Variants in STAC observed in about 807,000 individuals in gnomAD.
The protein encoded by STAC is SH3 and cysteine rich domain, also known as SH3 and cysteine-rich domain-containing protein.
STAC carries 43 observed loss-of-function variants against 48.8 expected under a neutral mutation model. The observed-to-expected ratio is 0.88, with a 90% CI of 0.69 to 1.14. The LOEUF (loss-of-function observed/expected upper bound fraction) is 1.14. Among genes scored for constraint, STAC ranks in the 50% most tolerant of loss-of-function variants. The pLI, the probability that STAC is intolerant of heterozygous loss-of-function variation, is 0.00. For missense variants in STAC, 497 were observed against 504.0 expected, an observed-to-expected ratio of 0.99 and a Z score of 0.13; for synonymous variants, 193 against 179.5, an observed-to-expected ratio of 1.07 and a Z score of -0.60.
chr3:36,505,867 A>C, intron 8 of STAC, 33 bp downstream of exon 8: 2 of 1,471,354 alleles, frequency 1.4e-6, no homozygotes, highest in Non-Finnish European at 1.9e-6. Context: ...AAAAAGAGTA[A>C]AATTTTAAAG....
chr3:36,540,284 T>C lies in STAC; in HGVS notation c.1111-5907T>C, dbSNP rs1699293127. 2.6e-5 allele frequency among the ~76,000 whole-genome samples: 4 copies of C among 152,290 alleles called. No individual in the cohort carries two copies. The South Asian group carries it at 6.2e-4, about 24-fold the overall frequency. On this transcript the variant is annotated intron_variant, in intron 10 of 10. Transcript: ENST00000273183. ...ACTTCTGAACCCTAGAACTGTAAGATAATAAATTTGTGTTGTTATAAGCCA... is the reference window on the plus strand; with the variant it reads ...ACTTCTGAACCCTAGAACTGTAAGACAATAAATTTGTGTTGTTATAAGCCA...
chr3:36,447,909 A>T (rs1393622379), intron 2 of STAC, among the ~76,000 whole-genome samples: 1 of 152,124 alleles, frequency 6.6e-6, no homozygotes, highest in African/African-American at 2.4e-5. Flanking sequence ...TAAAACTTTT[A>T]TTTTTAATGT....
intron 8 of STAC, among the ~76,000 whole-genome samples, chr3:36,513,663 A>G (rs1246403874): frequency 1.3e-5 from 2 of 152,146 alleles, no homozygotes; most frequent in Non-Finnish European, 2.9e-5. Context: ...CTGTTTTCTC[A>G]TCTTGAAAAC....
intron 10 of STAC, among the ~76,000 whole-genome samples, chr3:36,538,231 G>C (rs1699243536): frequency 6.6e-6 from 1 of 152,056 alleles, no homozygotes; most frequent in African/African-American, 2.4e-5. Context: ...TTAGAACATA[G>C]CTAAATTTAT....
chr3:36,382,202 A>G (rs1699525361), intron 1 of STAC, among the ~76,000 whole-genome samples: 1 of 152,228 alleles, frequency 6.6e-6, no homozygotes. Context: ...CCAGAGTGAT[A>G]TAGGTTAGTG....
chr3:36,498,217 G>A (rs1437733015), intron 6 of STAC, among the ~76,000 whole-genome samples: 1 of 152,148 alleles, frequency 6.6e-6, no homozygotes, highest in Non-Finnish European at 1.5e-5. Context: ...ACTATCAGAA[G>A]TAAACAGGCA....
At chr3:36,425,237 G>C (rs1042350144) in intron 1 of STAC, among the ~76,000 whole-genome samples, 2 of 152,190 alleles carry the variant, frequency 1.3e-5, no homozygotes, top group Non-Finnish European at 2.9e-5. Flanking sequence ...GGAAGACGTT[G>C]ACATCAGGTG....
chr3:36,458,661 T>A (rs896397479), intron 2 of STAC, among the ~76,000 whole-genome samples: 1 of 152,228 alleles, frequency 6.6e-6, no homozygotes, highest in African/African-American at 2.4e-5. Context: ...TGGCTAGATC[T>A]GGGAGGGCAA....
intron 1 of STAC, among the ~76,000 whole-genome samples, chr3:36,432,065 C>T (rs1219466487): frequency 1.3e-5 from 2 of 152,274 alleles, no homozygotes; most frequent in East Asian, 1.9e-4. Context: ...ATTGTTACAG[C>T]GGCATCCACA....
At chr3:36,446,030 C>G (rs1696500266) in intron 2 of STAC, among the ~76,000 whole-genome samples, 1 of 152,160 alleles carries the variant, frequency 6.6e-6, no homozygotes, top group Non-Finnish European at 1.5e-5. Flanking sequence ...AGACCAGGAC[C>G]CCAGTCTCAT....
rs183418346 is a variant in STAC at position 36,504,317 on chromosome 3, A to G, written c.767-76A>G. The stretch of plus-strand genomic sequence containing the variant: ...AGAAGCTATGGTACTTAGAATAAAT[A>G]AAGCCATCTTTCAGGAATATTTGTT... On this transcript the variant is annotated intron_variant, in intron 6 of 10. Coordinates refer to ENST00000273183, the MANE Select transcript of STAC (RefSeq NM_003149.3). 123 of 1,345,804 alleles carry G rather than the reference A, an allele frequency of 9.1e-5. No individual in the cohort carries two copies. The African/African-American group carries it at 1.6e-3, about 18-fold the overall frequency. 83.4% of individuals were successfully genotyped at this position (1,345,804 alleles called of 1,614,324 possible). A position where few individuals can be genotyped will look rare whatever the true frequency, so the allele number is the denominator to read the frequency against.
At position 36,387,556 on chromosome 3, in the gene STAC, C is replaced by T. The variant is rs183034615; in HGVS notation, c.111+6802C>T. ...TTTATCTATATGAATTTGACTATTC[C>T]GGGTTTACCATATAAGAGAAATCAT... On this transcript the variant is annotated intron_variant, in intron 1 of 10. Transcript: ENST00000273183. Among the ~76,000 whole-genome samples, 11 of 152,090 alleles carry T rather than the reference C, an allele frequency of 7.2e-5. 1 individual carries two copies. The South Asian group carries it at 1.0e-3, about 14-fold the overall frequency.
At chr3:36,477,547 T>G (rs985059754) in intron 2 of STAC, among the ~76,000 whole-genome samples, 1 of 152,182 alleles carries the variant, frequency 6.6e-6, no homozygotes, top group African/African-American at 2.4e-5. Context: ...AGAAAAGCTT[T>G]TCAATATTTT....
intron 1 of STAC, among the ~76,000 whole-genome samples, chr3:36,416,688 G>A (rs1700328093): frequency 6.6e-6 from 1 of 151,974 alleles, no homozygotes; most frequent in African/African-American, 2.4e-5. Flanking sequence ...TATGTATTAT[G>A]CATATATTAA....
intron 3 of STAC, among the ~76,000 whole-genome samples, chr3:36,483,782 T>C (rs1575231296): frequency 6.6e-6 from 1 of 152,154 alleles, no homozygotes; most frequent in Non-Finnish European, 1.5e-5. Context: ...CATGACCCTG[T>C]CTCTACAAAA....
intron 8 of STAC, among the ~76,000 whole-genome samples, chr3:36,518,080 G>A (rs1194009899): frequency 6.6e-6 from 1 of 152,154 alleles, no homozygotes; most frequent in Non-Finnish European, 1.5e-5. Context: ...GAGTCTTGGA[G>A]TTATCACTTA....
intron 2 of STAC, among the ~76,000 whole-genome samples, chr3:36,473,268 A>G (rs551143192): frequency 6.6e-6 from 1 of 152,316 alleles, no homozygotes; most frequent in South Asian, 2.1e-4. Context: ...TCTGGGAGAT[A>G]CAATTCAAGT....
chr3:36,504,689 G>A (rs146585402), intron 7 of STAC, among the ~76,000 whole-genome samples: 4 of 152,120 alleles, frequency 2.6e-5, no homozygotes, highest in Non-Finnish European at 5.9e-5. Flanking sequence ...GTTATATAAT[G>A]TGTAGATTAT....
chr3:36,430,806 G>A (rs2125652896), intron 1 of STAC, among the ~76,000 whole-genome samples: 1 of 152,240 alleles, frequency 6.6e-6, no homozygotes, highest in South Asian at 2.1e-4. Context: ...TTCTCACTGT[G>A]TCCTCACATG....
Sources: gnomAD v4.1 joint callset for allele counts (sites outside exome capture counted in the v4.1 genomes callset) on GRCh38, gnomAD v4.1.1 for gene constraint, MANE v1.5 for transcripts, NCBI Gene and HGNC (gene_info 2026-07-23, HGNC 2026-07-21) for gene names.